The following MTG1 variants were observed in gnomAD, a reference collection of about 807,000 sequenced individuals.
MTG1 encodes mitochondrial ribosome associated GTPase 1, also known as mitochondrial ribosome-associated GTPase 1.
MTG1 carries 30 observed loss-of-function variants against 39.5 expected under a neutral mutation model. The observed-to-expected ratio is 0.76, with a 90% confidence interval of 0.57 to 1.03. The LOEUF (loss-of-function observed/expected upper bound fraction) is 1.03. Ranked by LOEUF, MTG1 falls within the 50% of genes least tolerant of loss-of-function variation. MTG1 has a pLI of 0.00. For synonymous variants in MTG1, 217 were observed against 179.0 expected, an observed-to-expected ratio of 1.21 and a Z score of -1.69; for missense variants, 513 against 447.4, an observed-to-expected ratio of 1.15 and a Z score of -1.32.
rs1383934066 is a variant in MTG1 at position 133,420,034 on chromosome 10, A to G, written c.874A>G (p.Asn292Asp). Residue 292 changes from asparagine to aspartate, a missense_variant, in exon 11 of 11, where the codon AAC becomes GAC. Coordinates refer to ENST00000317502, the MANE Select transcript of MTG1 (RefSeq NM_138384.4). ...VKVLTGTGNV[N>D]IIQPNYPAAA... ...ACCCTCCCGTCCCCCAGGTAACGTG[A>G]ACATTATTCAGCCTAACTATCCTGC... 6.2e-7 allele frequency: 1 copy of G among 1,610,132 alleles called. No individual in the cohort carries two copies. Among genetic ancestry groups the G allele is most frequent in the Non-Finnish European group, 8.5e-7 (1 of 1,177,698 alleles).
chr10:133,409,054 ATC>A, intron 9 of MTG1, among the ~76,000 whole-genome samples: 1 of 144,726 alleles, frequency 6.9e-6, no homozygotes, highest in Non-Finnish European at 1.5e-5. Context: ...TGGTCTCCTG[ATC>A]TCTGTTATTT....
intron 9 of MTG1, among the ~76,000 whole-genome samples, chr10:133,416,715 C>T (rs1334633369): frequency 6.8e-6 from 1 of 146,102 alleles, no homozygotes; most frequent in Middle Eastern, 3.2e-3. Context: ...CATCCATGTC[C>T]CTACAAAGGA....
intron 9 of MTG1, among the ~76,000 whole-genome samples, chr10:133,405,138 G>A (rs1020668649): frequency 2.6e-5 from 4 of 152,190 alleles, no homozygotes; most frequent in African/African-American, 9.7e-5. Flanking sequence ...GTAACACTGA[G>A]TCTCTGACCC....
chr10:133,400,810 CTG>C (rs1326837098), intron 6 of MTG1, among the ~76,000 whole-genome samples: 3 of 152,236 alleles, frequency 2.0e-5, no homozygotes, highest in African/African-American at 7.2e-5. Context: ...AATTCGATGA[CTG>C]TAACTGCCTC....
chr10:133,418,103 A>C (rs2133517948), intron 9 of MTG1, among the ~76,000 whole-genome samples: 1 of 152,348 alleles, frequency 6.6e-6, no homozygotes, highest in Non-Finnish European at 1.5e-5. Flanking sequence ...TCCTGGGTTC[A>C]AGCGATTCTC....
intron 6 of MTG1, among the ~76,000 whole-genome samples, chr10:133,400,857 A>G (rs1052913624): frequency 6.6e-6 from 1 of 152,128 alleles, no homozygotes; most frequent in Non-Finnish European, 1.5e-5. Flanking sequence ...GCCTTTTGTG[A>G]CTGGCTGATG....
intron 9 of MTG1, among the ~76,000 whole-genome samples, chr10:133,413,509 A>G (rs1217615441): frequency 6.6e-6 from 1 of 152,148 alleles, no homozygotes; most frequent in African/African-American, 2.4e-5. Context: ...GTGCCTCCCA[A>G]AGTGCTGGGA....
At chr10:133,398,390 G>T in intron 3 of MTG1, 45 bp from the exon 4 acceptor site, 1 of 1,593,336 alleles carries the variant, frequency 6.3e-7, no homozygotes, top group South Asian at 1.1e-5. Flanking sequence ...ACAGAGCCAA[G>T]ACTCCAGTAA....
At chr10:133,394,438 C>T (rs1589906201) in intron 1 of MTG1, 106 bp downstream of exon 1, 24 of 1,318,072 alleles carry the variant, frequency 1.8e-5, no homozygotes, top group Non-Finnish European at 2.1e-5. Context: ...TCGTTCTGGG[C>T]TGGCCCCGCC....
intron 6 of MTG1, 90 bp from the exon 7 acceptor site, chr10:133,401,439 C>A (rs935088632): frequency 1.8e-6 from 2 of 1,105,084 alleles, no homozygotes; most frequent in Non-Finnish European, 2.6e-6. Context: ...CTTGGCTGGT[C>A]AGATGTGTTT....
intron 9 of MTG1, among the ~76,000 whole-genome samples, chr10:133,417,854 A>G (rs1203864832): frequency 6.6e-6 from 1 of 152,206 alleles, no homozygotes; most frequent in Non-Finnish European, 1.5e-5. Context: ...ACTACAAACC[A>G]CTGCTCAATG....
At position 133,394,230 on chromosome 10, in the gene MTG1, A is replaced by ACC; in HGVS notation, c.13_14dup (p.Leu8ArgfsTer33). ...CGGGGACGGTGCCGCCATGAGATTG[A>ACC]CCCCGCGCGCGCTGTGCAGCGCCGC... On this transcript the variant is annotated frameshift_variant, in exon 1 of 11. Coordinates refer to ENST00000317502, the MANE Select transcript of MTG1 (RefSeq NM_138384.4). LOFTEE classifies it high-confidence loss of function. 6.6e-7 allele frequency: 1 copy of ACC among 1,516,508 alleles called. No individual in the cohort carries two copies. The highest frequency in any genetic ancestry group is 8.8e-7 in the Non-Finnish European group (1 of 1,137,086). 93.9% of individuals were successfully genotyped at this position (1,516,508 alleles called of 1,614,324 possible). A position where few individuals can be genotyped will look rare whatever the true frequency, so the allele number is the denominator to read the frequency against.
chr10:133,413,624 G>C (rs145558107), intron 9 of MTG1, among the ~76,000 whole-genome samples: 3 of 152,108 alleles, frequency 2.0e-5, no homozygotes, highest in Non-Finnish European at 4.4e-5. Context: ...CGATTCTACT[G>C]TATCTTCTTT....
rs895850458 is a variant in MTG1, at chr10:133,422,496, A to G, written c.*2331A>G. 3.9e-5 allele frequency: 6 copies of G among 152,316 alleles called. No homozygotes were observed. The highest frequency in any genetic ancestry group is 1.4e-4 in the African/African-American group (6 of 41,450). 9.4% of individuals were successfully genotyped at this position (152,316 alleles called of 1,614,324 possible). A position where few individuals can be genotyped will look rare whatever the true frequency, so the allele number is the denominator to read the frequency against. ...TTTTTCCCCCCCAAAATGGGTCCTAAGGAGGGTAAAGTGACTTGTTTCAAG... is the reference window on the plus strand; with the variant it reads ...TTTTTCCCCCCCAAAATGGGTCCTAGGGAGGGTAAAGTGACTTGTTTCAAG... On this transcript the variant is annotated 3_prime_UTR_variant, in exon 11 of 11. Coordinates refer to ENST00000317502, the MANE Select transcript of MTG1 (RefSeq NM_138384.4).
rs1849750246 is a variant in MTG1 at position 133,394,456 on chromosome 10, C to T, written c.112+124C>T. On this transcript the variant is annotated intron_variant, in intron 1 of 10. Transcript: ENST00000317502. ...TTCTGGGCTGGCCCCGCCCCTCCTC[C>T]CTTGTCTCCCCTCCTTCCCCGCTCT... The T allele has an allele frequency of 3.8e-6, 5 of 1,325,626 alleles. No homozygotes were observed. In the East Asian group the frequency reaches 1.3e-4, roughly 33 times the overall value. The allele number at this position is 1,325,626 out of a possible 1,614,324, so 82.1% of individuals were successfully genotyped here.
intron 3 of MTG1, 50 bp downstream of exon 3, chr10:133,396,317 G>A (rs369704950): frequency 1.5e-5 from 23 of 1,503,784 alleles, no homozygotes; most frequent in South Asian, 2.3e-5. Flanking sequence ...GTGTTTTCCC[G>A]AGGTCGCTTG....
intron 1 of MTG1, 102 bp from the exon 2 acceptor site, chr10:133,395,611 T>C: frequency 9.1e-7 from 1 of 1,097,358 alleles, no homozygotes; most frequent in South Asian, 1.3e-5. Context: ...ATAGTCTTTT[T>C]AGGTTATTTA....
intron 9 of MTG1, among the ~76,000 whole-genome samples, chr10:133,406,347 A>C (rs747629858): frequency 6.6e-6 from 1 of 152,094 alleles, no homozygotes; most frequent in African/African-American, 2.4e-5. Context: ...GGCTGAGTGC[A>C]GTGGTGCGAT....
In MTG1 at chr10:133,420,382, G is replaced by A; in HGVS notation, c.*217G>A. 2.0e-6 allele frequency: 1 copy of A among 490,122 alleles called. No individual in the cohort carries two copies. The highest frequency in any genetic ancestry group is 3.5e-6 in the Non-Finnish European group (1 of 283,446). 30.4% of individuals were successfully genotyped at this position (490,122 alleles called of 1,614,324 possible). A position where few individuals can be genotyped will look rare whatever the true frequency, so the allele number is the denominator to read the frequency against. The stretch of plus-strand genomic sequence containing the variant: ...ACCAGGCTTCCCAGTGGACGTCCCT[G>A]AGCAGCTCCGCATGCTTGGTTCTCC... On this transcript the variant is annotated 3_prime_UTR_variant, in exon 11 of 11. Coordinates refer to ENST00000317502, the MANE Select transcript of MTG1 (RefSeq NM_138384.4).
Sources: allele counts gnomAD v4.1 joint callset (sites outside exome capture counted in the v4.1 genomes callset), GRCh38; gene constraint gnomAD v4.1.1; transcripts MANE v1.5; gene names NCBI Gene and HGNC (gene_info 2026-07-23, HGNC 2026-07-21).